SRP72: variants seen among roughly 807,000 people sequenced by gnomAD.
The protein encoded by SRP72 is signal recognition particle 72, also known as signal recognition particle subunit SRP72.
SRP72 carries 49 observed loss-of-function variants against 96.3 expected under a neutral mutation model. The observed-to-expected ratio is 0.51, with a 90% CI of 0.40 to 0.65. The LOEUF is 0.65. Among genes scored for constraint, SRP72 ranks in the 30% least tolerant of loss-of-function variants. SRP72 has a pLI of 0.00. For synonymous variants in SRP72, 267 were observed against 275.2 expected (o/e 0.97, Z 0.30); for missense variants, 736 against 793.3 (o/e 0.93, Z 0.87).
At chr4:56,486,433 T>C (rs1187707945) in intron 11 of SRP72, 36 bp downstream of exon 11, 2 of 1,518,074 alleles carry the variant, frequency 1.3e-6, no homozygotes, top group African/African-American at 2.8e-5. Context: ...AATATTTTAA[T>C]GAAAACATGT....
chr4:56,471,597 A>G, intron 2 of SRP72, 123 bp from the exon 3 acceptor site: 2 of 1,136,092 alleles, frequency 1.8e-6, no homozygotes, highest in South Asian at 1.8e-5. Flanking sequence ...ACAAGTCTCT[A>G]ACCTTTGTCA....
intron 17 of SRP72, among the ~76,000 whole-genome samples, chr4:56,496,114 A>G (rs569460500): frequency 6.6e-6 from 1 of 152,318 alleles, no homozygotes; most frequent in African/African-American, 2.4e-5. Context: ...TAATCTCTGG[A>G]AAAATTGGGT....
intron 16 of SRP72, among the ~76,000 whole-genome samples, chr4:56,491,982 C>T (rs991118694): frequency 3.9e-5 from 6 of 152,132 alleles, no homozygotes; most frequent in African/African-American, 1.4e-4. Context: ...CTCAGCCTCC[C>T]GAGTAGCTGG....
At chr4:56,475,209 TTAAAA>T (rs925373630) in intron 5 of SRP72, among the ~76,000 whole-genome samples, 10 of 152,162 alleles carry the variant, frequency 6.6e-5, no homozygotes, top group Admixed American at 2.0e-4. Flanking sequence ...ATGTTGAAAG[TTAAAA>T]TAAGAACAAA....
At position 56,478,518 on chromosome 4, in the gene SRP72, G is replaced by A; in HGVS notation, c.767+15G>A. On this transcript the variant is annotated intron_variant, in intron 7 of 18. Coordinates refer to ENST00000642900, the MANE Select transcript of SRP72 (RefSeq NM_006947.4). ...ATAAAACTAAAGTGAGTTATTAAAA[G>A]GAAGTGTCTTTTATAGGGGATGGGG... 6.2e-7 allele frequency: 1 copy of A among 1,613,594 alleles called. No homozygotes were observed. Among genetic ancestry groups the A allele is most frequent in the East Asian group, 2.2e-5 (1 of 44,858 alleles).
intron 17 of SRP72, among the ~76,000 whole-genome samples, chr4:56,496,561 C>A (rs542076447): frequency 1.3e-5 from 2 of 152,274 alleles, no homozygotes; most frequent in Non-Finnish European, 2.9e-5. Flanking sequence ...ATTTTACTTT[C>A]TTTTCTATTT....
intron 17 of SRP72, among the ~76,000 whole-genome samples, chr4:56,498,805 T>C (rs1300518278): frequency 6.6e-6 from 1 of 152,190 alleles, no homozygotes; most frequent in East Asian, 1.9e-4. Context: ...TGCTCATGGA[T>C]AGGAAGAATC....
chr4:56,495,244 A>C (rs944282581), intron 16 of SRP72, 113 bp from the exon 17 acceptor site: 1 of 551,714 alleles, frequency 1.8e-6, no homozygotes, highest in Non-Finnish European at 3.0e-6. Flanking sequence ...GCTGATACCA[A>C]GTCTTAAACC....
Position 56,490,320 on chromosome 4 carries a change from A to G in SRP72, c.1321-13A>G, listed in dbSNP as rs766356186. On this transcript the variant is annotated splice_polypyrimidine_tract_variant and intron_variant, in intron 13 of 18. Coordinates refer to ENST00000642900, the MANE Select transcript of SRP72 (RefSeq NM_006947.4). ...AACTTGAAACTTTTTTTTTCTTTTT[A>G]TTGAAACTGTAGCCAAAATCTCCTG... The G allele has an allele frequency of 6.3e-7, 1 of 1,594,664 alleles. No homozygotes were observed.
intron 5 of SRP72, 134 bp from the exon 6 acceptor site, chr4:56,476,537 A>G: frequency 2.2e-6 from 2 of 901,650 alleles, no homozygotes; most frequent in Admixed American, 2.3e-5. Context: ...ATGCTAATGT[A>G]AATTTCACAA....
chr4:56,494,126 G>C, intron 16 of SRP72, among the ~76,000 whole-genome samples: 1 of 152,206 alleles, frequency 6.6e-6, no homozygotes, highest in South Asian at 2.1e-4. Context: ...GGAAATTTTA[G>C]TATGGCTGTG....
At chr4:56,467,884 C>G (rs893190292) in intron 1 of SRP72, 140 bp downstream of exon 1, 9 of 844,054 alleles carry the variant, frequency 1.1e-5, no homozygotes, top group Admixed American at 4.2e-5. Context: ...CCGCCCGGCT[C>G]GGGCCCTAGC....
chr4:56,480,192 G>A (rs979955495), intron 8 of SRP72, among the ~76,000 whole-genome samples: 2 of 152,174 alleles, frequency 1.3e-5, no homozygotes, highest in Non-Finnish European at 2.9e-5. Flanking sequence ...TCCAAACATT[G>A]ATACTAGCCT....
At chr4:56,481,686 G>C (rs1720491797) in intron 8 of SRP72, among the ~76,000 whole-genome samples, 2 of 150,598 alleles carry the variant, frequency 1.3e-5, no homozygotes. Flanking sequence ...TCATTTTATT[G>C]TGCTTTACTT....
intron 17 of SRP72, among the ~76,000 whole-genome samples, chr4:56,497,845 A>G (rs2110132459): frequency 6.6e-6 from 1 of 152,236 alleles, no homozygotes; most frequent in East Asian, 1.9e-4. Flanking sequence ...GCTTCTCACC[A>G]TTTCACCAAC....
At chr4:56,483,686 G>A (rs912684624) in intron 9 of SRP72, among the ~76,000 whole-genome samples, 1 of 151,496 alleles carries the variant, frequency 6.6e-6, no homozygotes. Flanking sequence ...AAAAAAAAAA[G>A]AAAGAATATT....
intron 3 of SRP72, 29 bp from the exon 4 acceptor site, chr4:56,474,025 T>C (rs1333277307): frequency 1.3e-6 from 2 of 1,596,140 alleles, no homozygotes; most frequent in Admixed American, 3.5e-5. Flanking sequence ...TATTTGTCTC[T>C]GATTTTTTAC....
chr4:56,472,348 C>CT (rs11332013), intron 3 of SRP72, among the ~76,000 whole-genome samples: 6,461 of 122,996 alleles, frequency 0.053, 214 homozygotes, highest in Middle Eastern at 0.14. Flanking sequence ...TAAAGTTTTT[C>CT]TTTTTTTTTT....
At position 56,484,784 on chromosome 4, in the gene SRP72, G is replaced by A. The variant is rs768536813; in HGVS notation, c.1006G>A (p.Glu336Lys). 4.5e-5 allele frequency: 72 copies of A among 1,613,968 alleles called. No individual in the cohort carries two copies. The highest frequency in any genetic ancestry group is 5.6e-5 in the Non-Finnish European group (66 of 1,180,030). The change falls in exon 10 of 19, where the codon GAG becomes AAG. Residue 336 changes from glutamate (E) to lysine (K), a missense_variant. By Grantham distance (56) the Glu-to-Lys change is moderately conservative. Coordinates refer to ENST00000642900, the MANE Select transcript of SRP72 (RefSeq NM_006947.4). ...TGCCAGTTTACAGTCCCAAAGTCCC[G>A]AGCATCTCTTACCTGTGTTAATCCA... is the stretch of plus-strand genomic sequence containing the variant. ...ISASLQSQSPEHLLPVLIQAA... is the reference protein window; with the variant it reads ...ISASLQSQSPKHLLPVLIQAA...
Sources: gnomAD v4.1 joint callset for allele counts (sites outside exome capture counted in the v4.1 genomes callset) on GRCh38, gnomAD v4.1.1 for gene constraint, MANE v1.5 for transcripts, NCBI Gene and HGNC (gene_info 2026-07-23, HGNC 2026-07-21) for gene names.